Variants in SYNE2 observed in about 807,000 individuals in gnomAD.
The protein encoded by SYNE2 is nesprin-2.
A neutral mutation model predicts 856.3 loss-of-function variants in SYNE2; 431 were observed. That is an observed-to-expected ratio of 0.50 (90% CI 0.47 to 0.55). The LOEUF is 0.55. SYNE2 is among the 20% of genes least tolerant of loss of function. The pLI is 0.00. For synonymous variants in SYNE2, 2,923 were observed against 2,872.3 expected (o/e 1.02, Z -0.56); for missense variants, 8,129 against 8,023.2 (o/e 1.01, Z -0.50).
chr14:63,826,304 T>G (rs1344044900), intron 1 of SYNE2, among the ~76,000 whole-genome samples: 2 of 151,954 alleles, frequency 1.3e-5, no homozygotes, highest in Non-Finnish European at 1.5e-5. Context: ...AAAACAATAG[T>G]CTTTTCTTTT....
chr14:63,840,904 C>T, intron 1 of SYNE2, among the ~76,000 whole-genome samples: 1 of 152,070 alleles, frequency 6.6e-6, no homozygotes, highest in Non-Finnish European at 1.5e-5. Context: ...ATCCCAGCTA[C>T]TCAGGAGGCT....
intron 67 of SYNE2, 24 bp downstream of exon 67, chr14:64,119,633 A>G (rs775292771): frequency 1.3e-5 from 21 of 1,612,108 alleles, no homozygotes; most frequent in Middle Eastern, 1.7e-4. Flanking sequence ...ATCTATGGAC[A>G]TTCATCTTGA....
intron 103 of SYNE2, 85 bp from the exon 104 acceptor site, chr14:64,211,876 T>C (rs2098643153): frequency 6.2e-7 from 1 of 1,600,898 alleles, no homozygotes; most frequent in Non-Finnish European, 8.5e-7. Flanking sequence ...GGTACCCTTT[T>C]CTTGTGGCCG....
At chr14:64,110,978 A>G (rs970591042) in intron 65 of SYNE2, among the ~76,000 whole-genome samples, 2 of 152,092 alleles carry the variant, frequency 1.3e-5, no homozygotes, top group African/African-American at 4.8e-5. Flanking sequence ...ATAACTAGCA[A>G]AAAAAACCCA....
Position 64,158,651 on chromosome 14 carries a change from G to A in SYNE2, c.15819G>A (p.Gln5273=). 6.2e-7 allele frequency: 1 copy of A among 1,613,948 alleles called. No homozygotes were observed. Among genetic ancestry groups the A allele is most frequent in the South Asian group, 1.1e-5 (1 of 91,074 alleles). ...TQVNQLKTSM[Q]SVLQEWKIYD... ...TCAATCAGCTCAAAACCTCCATGCA[G>A]TCAGTTTTACAGGAGTGGAAGATTT... The change falls in exon 86 of 116, where the codon CAG becomes CAA. Residue 5273 remains glutamine, a synonymous_variant. Transcript: ENST00000555002.
intron 89 of SYNE2, among the ~76,000 whole-genome samples, chr14:64,163,942 CAG>C (rs1299232306): frequency 1.3e-5 from 2 of 151,930 alleles, no homozygotes; most frequent in African/African-American, 4.8e-5. Flanking sequence ...TATTTTGAGA[CAG>C]ACTCTTGACC....
chr14:64,011,935 A>G (rs1018143119), intron 32 of SYNE2, among the ~76,000 whole-genome samples: 2 of 152,122 alleles, frequency 1.3e-5, no homozygotes, highest in African/African-American at 4.8e-5. Context: ...CTCTGTGGCT[A>G]TCATAACTGG....
chr14:63,859,967 C>T (rs148233960), intron 1 of SYNE2, among the ~76,000 whole-genome samples: 4 of 123,520 alleles, frequency 3.2e-5, no homozygotes, highest in African/African-American at 5.8e-5. Context: ...CTCCCTCCCT[C>T]CCTCCCTTCC....
At position 63,912,235 on chromosome 14, in the gene SYNE2, A is replaced by C. The variant is rs954677926; in HGVS notation, c.79+3008A>C. 2.0e-5 allele frequency among the ~76,000 whole-genome samples: 3 copies of C among 152,128 alleles called. No homozygotes were observed. In the South Asian group the frequency reaches 6.2e-4, roughly 32 times the overall value. ...GAATTTGTAATGATTCTTTCAGCCT[A>C]AGTTGTTGAAGGAAAGAAGGAAAGG... On this transcript the variant is annotated intron_variant, in intron 2 of 115. Coordinates refer to ENST00000555002, the MANE Select transcript of SYNE2 (RefSeq NM_182914.3).
At chr14:64,190,763 G>C (rs2098514465) in intron 99 of SYNE2, 1 of 655,228 alleles carries the variant, frequency 1.5e-6, no homozygotes, top group Non-Finnish European at 2.8e-6. Flanking sequence ...ATGTGGATTT[G>C]GGCGCAGCCC....
chr14:64,208,858 C>A lies in SYNE2; in HGVS notation c.18302C>A (p.Thr6101Asn). The A allele has an allele frequency of 6.2e-7, 1 of 1,614,198 alleles. No homozygotes were observed. The highest frequency in any genetic ancestry group is 8.5e-7 in the Non-Finnish European group (1 of 1,180,032). ...GACTCCGATGCCTGTGCAAATGAGACCGAGTGTGACTCGATCCAGCAGACC... is the reference window on the plus strand; with the variant it reads ...GACTCCGATGCCTGTGCAAATGAGAACGAGTGTGACTCGATCCAGCAGACC... ...LHDSDACANE[T>N]ECDSIQQTTR... Residue 6101 changes from threonine to asparagine, a missense_variant, in exon 101 of 116, where the codon ACC becomes AAC. By Grantham distance (65) the Thr-to-Asn change is moderately conservative. Around this residue, in one of 3 missense-constraint regions of SYNE2, gnomAD observed 5,410 missense variants for 5,284.8 expected, o/e 1.02. Transcript: ENST00000555002.
chr14:64,021,992 A>C lies in SYNE2; in HGVS notation c.5488A>C (p.Ser1830Arg), dbSNP rs759487525. The C allele has an allele frequency of 5.0e-6, 8 of 1,613,716 alleles. No individual in the cohort carries two copies. The highest frequency in any genetic ancestry group is 4.0e-5 in the African/African-American group (3 of 74,918). Residue 1830 changes from serine (S) to arginine (R), a missense_variant, in exon 37 of 116, where the codon AGT (serine) becomes CGT (arginine). Coordinates refer to ENST00000555002, the MANE Select transcript of SYNE2 (RefSeq NM_182914.3). ...SVSDLFNTKK[S>R]VLQDHFSKLL... ...CAGTGATTTATTTAATACCAAAAAA[A>C]GTGTTTTGCAAGATCACTTTTCTAA...
At chr14:63,980,882 G>C in intron 15 of SYNE2, 104 bp from the exon 16 acceptor site, 1 of 1,050,424 alleles carries the variant, frequency 9.5e-7, no homozygotes, top group Non-Finnish European at 1.4e-6. Context: ...TATTGTCAGA[G>C]TACATATTAT....
At chr14:63,860,359 T>A (rs1178608497) in intron 1 of SYNE2, among the ~76,000 whole-genome samples, 1 of 152,024 alleles carries the variant, frequency 6.6e-6, no homozygotes, top group African/African-American at 2.4e-5. Context: ...GGGAGGTGAA[T>A]GGGGAGAAGG....
At chr14:64,058,556 G>C (rs561382795) in intron 49 of SYNE2, among the ~76,000 whole-genome samples, 15 of 152,046 alleles carry the variant, frequency 9.9e-5, no homozygotes, top group Non-Finnish European at 1.9e-4. Flanking sequence ...GCACAGTCTT[G>C]CTCACTGCAA....
chr14:64,089,784 T>C, intron 59 of SYNE2, 88 bp downstream of exon 59: 1 of 1,180,260 alleles, frequency 8.5e-7, no homozygotes, highest in Non-Finnish European at 1.2e-6. Flanking sequence ...TAAAAAAGCA[T>C]TTAGTCTTAC....
At chr14:64,094,352 A>T (rs1300732440) in intron 61 of SYNE2, among the ~76,000 whole-genome samples, 3 of 151,848 alleles carry the variant, frequency 2.0e-5, no homozygotes, top group Non-Finnish European at 2.9e-5. Context: ...TAAAAAAAAT[A>T]AAAAATAAAA....
intron 6 of SYNE2, among the ~76,000 whole-genome samples, chr14:63,945,663 C>T (rs978428923): frequency 2.0e-5 from 3 of 152,094 alleles, no homozygotes; most frequent in Non-Finnish European, 4.4e-5. Context: ...CGCTCTGTCG[C>T]CCAGGCTGGA....
At chr14:64,053,772 T>C (rs2097246792) in intron 48 of SYNE2, 115 bp downstream of exon 48, 1 of 960,436 alleles carries the variant, frequency 1.0e-6, no homozygotes, top group Non-Finnish European at 1.5e-6. Context: ...GAGACCAGCC[T>C]GGCCAACATG....
Sources: allele counts gnomAD v4.1 joint callset (sites outside exome capture counted in the v4.1 genomes callset), GRCh38; gene constraint gnomAD v4.1.1; regional missense constraint gnomAD v4.1.1; transcripts MANE v1.5; gene names NCBI Gene and HGNC (gene_info 2026-07-23, HGNC 2026-07-21).